Variants in CCDC170 observed in about 807,000 individuals in gnomAD.
The protein encoded by CCDC170 is coiled-coil domain containing 170.
CCDC170 carries 69 observed loss-of-function variants against 72.6 expected under a neutral mutation model. The observed-to-expected ratio is 0.95, with a 90% confidence interval of 0.78 to 1.16. The LOEUF is 1.16. CCDC170 is among the 50% of genes most tolerant of loss of function. CCDC170 has a pLI of 0.00. For synonymous variants in CCDC170, 300 were observed against 303.9 expected (o/e 0.99, Z 0.13); for missense variants, 852 against 832.5 (o/e 1.02, Z -0.29).
intron 5 of CCDC170, among the ~76,000 whole-genome samples, chr6:151,554,477 C>CCTCCT (rs1298683693): frequency 1.3e-5 from 2 of 152,108 alleles, no homozygotes; most frequent in Non-Finnish European, 2.9e-5. Flanking sequence ...GTAATCCTAG[C>CCTCCT]ACTTTGGGAG....
At chr6:151,607,631 T>A (rs1174308909) in intron 9 of CCDC170, among the ~76,000 whole-genome samples, 2 of 25,810 alleles carry the variant, frequency 7.7e-5, no homozygotes, top group Non-Finnish European at 2.3e-4. Flanking sequence ...TTGATAGGCA[T>A]TTTTTTTTTC....
intron 9 of CCDC170, among the ~76,000 whole-genome samples, chr6:151,601,870 G>T (rs1028441241): frequency 1.3e-5 from 2 of 152,034 alleles, no homozygotes; most frequent in Admixed American, 6.6e-5. Context: ...CAAGTATCTG[G>T]GCATGATTGC....
intron 5 of CCDC170, among the ~76,000 whole-genome samples, chr6:151,566,267 T>A (rs916161488): frequency 6.6e-6 from 1 of 152,250 alleles, no homozygotes; most frequent in Non-Finnish European, 1.5e-5. Flanking sequence ...TCCTTCTACA[T>A]GAGTCTTCCA....
chr6:151,567,364 A>G (rs1190413941), intron 5 of CCDC170, among the ~76,000 whole-genome samples: 2 of 152,168 alleles, frequency 1.3e-5, no homozygotes, highest in African/African-American at 4.8e-5. Context: ...AAACAATTGT[A>G]ATTTCAGCTT....
At chr6:151,501,905 C>A (rs1781999694) in intron 1 of CCDC170, among the ~76,000 whole-genome samples, 1 of 152,036 alleles carries the variant, frequency 6.6e-6, no homozygotes, top group Non-Finnish European at 1.5e-5. Context: ...TTATGCTATG[C>A]TCTTTTACCC....
At chr6:151,549,025 G>A (rs961432649) in intron 5 of CCDC170, among the ~76,000 whole-genome samples, 8 of 151,884 alleles carry the variant, frequency 5.3e-5, no homozygotes, top group African/African-American at 1.2e-4. Context: ...TCAGCCTCCC[G>A]AGTAGCTGGG....
At chr6:151,512,469 T>TTTTTAA (rs1782164500) in intron 1 of CCDC170, among the ~76,000 whole-genome samples, 1 of 152,052 alleles carries the variant, frequency 6.6e-6, no homozygotes, top group Non-Finnish European at 1.5e-5. Flanking sequence ...CCCAGTAGTA[T>TTTTTAA]ATCATTTTAA....
chr6:151,592,122 C>T (rs1030629077), intron 7 of CCDC170, among the ~76,000 whole-genome samples: 7 of 151,998 alleles, frequency 4.6e-5, no homozygotes, highest in African/African-American at 1.7e-4. Context: ...CTTTGGGAGG[C>T]CAAGATGGGT....
At chr6:151,529,629 C>T (rs539239668) in intron 1 of CCDC170, among the ~76,000 whole-genome samples, 1 of 152,122 alleles carries the variant, frequency 6.6e-6, no homozygotes, top group Non-Finnish European at 1.5e-5. Context: ...TGCACTCCAC[C>T]CTGCTGACAG....
intron 5 of CCDC170, among the ~76,000 whole-genome samples, chr6:151,563,480 T>A (rs1776079333): frequency 1.3e-5 from 2 of 152,188 alleles, no homozygotes; most frequent in South Asian, 4.1e-4. Flanking sequence ...AGCTGCTCCT[T>A]GGGGCCTACG....
At chr6:151,601,845 A>G (rs1302099259) in intron 9 of CCDC170, among the ~76,000 whole-genome samples, 1 of 152,202 alleles carries the variant, frequency 6.6e-6, no homozygotes, top group Non-Finnish European at 1.5e-5. Context: ...AAGTCTACCC[A>G]TTTAAATATT....
At chr6:151,510,518 A>G (rs1233445170) in intron 1 of CCDC170, among the ~76,000 whole-genome samples, 2 of 152,188 alleles carry the variant, frequency 1.3e-5, no homozygotes, top group Admixed American at 6.5e-5. Flanking sequence ...ATAATTTCCC[A>G]TAATGTACGT....
At chr6:151,567,928 C>T (rs534918403) in intron 5 of CCDC170, among the ~76,000 whole-genome samples, 40 of 151,784 alleles carry the variant, frequency 2.6e-4, no homozygotes, top group Admixed American at 2.0e-3. Flanking sequence ...CTGACCAACA[C>T]GGTGAAACCC....
At chr6:151,519,020 A>G (rs994161716) in intron 1 of CCDC170, among the ~76,000 whole-genome samples, 2 of 152,230 alleles carry the variant, frequency 1.3e-5, no homozygotes, top group African/African-American at 4.8e-5. Context: ...TCAGCTGTGC[A>G]TGTATTGTCT....
chr6:151,523,530 A>G (rs1353297799), intron 1 of CCDC170, among the ~76,000 whole-genome samples: 3 of 152,036 alleles, frequency 2.0e-5, no homozygotes, highest in Non-Finnish European at 4.4e-5. Flanking sequence ...TACTAAAAAT[A>G]CAAAAATTAG....
At chr6:151,534,221 C>T (rs903398597) in intron 1 of CCDC170, among the ~76,000 whole-genome samples, 7 of 152,022 alleles carry the variant, frequency 4.6e-5, no homozygotes, top group African/African-American at 1.2e-4. Flanking sequence ...CATGCCACCA[C>T]GCCCAGCTAA....
At chr6:151,589,208 T>C (rs1408546710) in intron 7 of CCDC170, among the ~76,000 whole-genome samples, 1 of 151,986 alleles carries the variant, frequency 6.6e-6, no homozygotes, top group Non-Finnish European at 1.5e-5. Context: ...TGAGCCAAGA[T>C]TGCGCCATTG....
At chr6:151,584,805 G>A (rs1275111302) in intron 6 of CCDC170, among the ~76,000 whole-genome samples, 6 of 152,122 alleles carry the variant, frequency 3.9e-5, no homozygotes, top group African/African-American at 1.4e-4. Context: ...CTTTCAAAAA[G>A]TTTAAAGGCA....
chr6:151,609,691 T>C (rs976520012), intron 9 of CCDC170, among the ~76,000 whole-genome samples: 3 of 152,150 alleles, frequency 2.0e-5, no homozygotes, highest in African/African-American at 7.2e-5. Flanking sequence ...AGGAGTTCCC[T>C]TAGGAAGATT....
Sources: gnomAD v4.1 joint callset for allele counts (sites outside exome capture counted in the v4.1 genomes callset) on GRCh38, gnomAD v4.1.1 for gene constraint, MANE v1.5 for transcripts, NCBI Gene and HGNC (gene_info 2026-07-23, HGNC 2026-07-21) for gene names.